SLC3A2: variants seen among roughly 807,000 people sequenced by gnomAD.
SLC3A2 encodes the protein solute carrier family 3 member 2, also known as amino acid transporter heavy chain SLC3A2.
In SLC3A2, 32 loss-of-function variants were observed where a neutral mutation model predicts 48.5. The observed-to-expected ratio is 0.66, with a 90% CI of 0.50 to 0.89. The LOEUF (loss-of-function observed/expected upper bound fraction) is 0.89, where lower values mean the gene tolerates loss of function less well. Among genes scored for constraint, SLC3A2 ranks in the 40% least tolerant of loss-of-function variants. The probability of loss-of-function intolerance (pLI) is 0.00; values close to 1 mark genes in which losing one functional copy is unlikely to be tolerated. For missense variants in SLC3A2, 587 were observed against 680.7 expected (o/e 0.86, Z 1.53); for synonymous variants, 277 against 288.8 (o/e 0.96, Z 0.41).
At chr11:62,860,111 C>G (rs2134970537) in intron 1 of SLC3A2, among the ~76,000 whole-genome samples, 1 of 152,228 alleles carries the variant, frequency 6.6e-6, no homozygotes, top group South Asian at 2.1e-4. Flanking sequence ...GAGCAAAGGA[C>G]TCTGTGTCAT....
At chr11:62,871,240 CTTTTT>C (rs747198908) in intron 1 of SLC3A2, among the ~76,000 whole-genome samples, 2 of 118,540 alleles carry the variant, frequency 1.7e-5, no homozygotes, top group African/African-American at 3.1e-5. Context: ...TAGGGCTTAT[CTTTTT>C]TTTTTTTTTT....
At chr11:62,869,095 C>T (rs2085483409) in intron 1 of SLC3A2, among the ~76,000 whole-genome samples, 1 of 151,242 alleles carries the variant, frequency 6.6e-6, no homozygotes, top group Non-Finnish European at 1.5e-5. Flanking sequence ...GACAGGGTTT[C>T]ACCATGTTGG....
chr11:62,856,264 G>A lies in SLC3A2; in HGVS notation c.-6G>A, dbSNP rs758009456. 9 of 1,605,918 alleles carry A rather than the reference G, an allele frequency of 5.6e-6. No individual in the cohort carries two copies. In the Admixed American group the frequency reaches 1.3e-4, roughly 24 times the overall value. ...CACCCCAAACCTGTGTGCAGGATCC[G>A]CCTCCATGGAGCTACAGCCTCCTGA... is the stretch of plus-strand genomic sequence containing the variant. On this transcript the variant is annotated 5_prime_UTR_variant, in exon 1 of 10. Coordinates refer to the SLC3A2 transcript ENST00000377889.
intron 1 of SLC3A2, among the ~76,000 whole-genome samples, chr11:62,869,675 A>G (rs1195403664): frequency 2.7e-5 from 4 of 150,722 alleles, no homozygotes; most frequent in Non-Finnish European, 4.4e-5. Flanking sequence ...TATGTCTTCT[A>G]TTTGTGGCTT....
At chr11:62,880,867 C>G, upstream of SLC3A2, 1 of 1,413,384 alleles carries the variant, frequency 7.1e-7, no homozygotes, top group Non-Finnish European at 9.2e-7. Flanking sequence ...TCCGCTGCCC[C>G]TTCCCAGAGG....
At chr11:62,885,011 A>C (rs1044324938) in intron 5 of SLC3A2, among the ~76,000 whole-genome samples, 166 bp from the exon 6 acceptor site, 1 of 151,532 alleles carries the variant, frequency 6.6e-6, no homozygotes, top group African/African-American at 2.4e-5. Flanking sequence ...TTGTATTTTT[A>C]GTAGAGACGG....
At chr11:62,885,381 G>A in intron 6 of SLC3A2, 24 bp downstream of exon 6, 1 of 1,614,032 alleles carries the variant, frequency 6.2e-7, no homozygotes, top group Non-Finnish European at 8.5e-7. Flanking sequence ...TGGTGGGAAA[G>A]GGGGCAGATG....
intron 1 of SLC3A2, among the ~76,000 whole-genome samples, chr11:62,873,899 C>G (rs1186331357): frequency 6.8e-6 from 1 of 146,198 alleles, no homozygotes; most frequent in Non-Finnish European, 1.5e-5. Context: ...ACCTCCTGGG[C>G]TCAAGTGGTC....
intron 5 of SLC3A2, 25 bp downstream of exon 5, chr11:62,884,715 A>G: frequency 6.4e-7 from 1 of 1,558,038 alleles, no homozygotes; most frequent in Non-Finnish European, 8.7e-7. Flanking sequence ...CATTCTGCTG[A>G]CTCAGCTCCA....
At chr11:62,887,541 A>G (rs1320851241) in intron 7 of SLC3A2, among the ~76,000 whole-genome samples, 1 of 152,044 alleles carries the variant, frequency 6.6e-6, no homozygotes, top group African/African-American at 2.4e-5. Flanking sequence ...CGTCTTTACT[A>G]AAAATACAAA....
chr11:62,888,185 C>T lies in SLC3A2; in HGVS notation c.1194C>T (p.Ile398=). 1.9e-6 allele frequency: 3 copies of T among 1,614,044 alleles called. No individual in the cohort carries two copies. Among genetic ancestry groups the T allele is most frequent in the Non-Finnish European group, 1.7e-6 (2 of 1,180,004 alleles). Residue 398 remains isoleucine, a synonymous_variant, in exon 8 of 9, where the codon ATC becomes ATT. Transcript: ENST00000338663. ...MLWDESSFPD[I]PGAVSANMTV... is the part of the protein sequence containing the mutation. Reference sequence around the variant, plus strand: ...GGGATGAGTCCAGCTTCCCTGACATCCCAGGGGCTGTAAGTGCCAACATGA... The same window carrying T: ...GGGATGAGTCCAGCTTCCCTGACATTCCAGGGGCTGTAAGTGCCAACATGA...
Position 62,888,633 on chromosome 11 carries a change from G to A in SLC3A2, c.1530G>A (p.Leu510=), listed in dbSNP as rs1447696181. Residue 510 remains leucine (L), a synonymous_variant, in exon 9 of 9, where the codon CTG becomes CTA. Coordinates refer to ENST00000338663, the MANE Select transcript of SLC3A2 (RefSeq NM_001013251.3). Reference sequence around the variant, plus strand: ...GTGAGGAGGGCTCCCCTCTTGAGCTGGAACGCCTGAAACTGGAGCCTCACG... The same window carrying A: ...GTGAGGAGGGCTCCCCTCTTGAGCTAGAACGCCTGAAACTGGAGCCTCACG... ...PGREEGSPLE[L]ERLKLEPHEG... 6.2e-7 allele frequency: 1 copy of A among 1,607,778 alleles called. No individual in the cohort carries two copies. Among genetic ancestry groups the A allele is most frequent in the African/African-American group, 1.3e-5 (1 of 75,064 alleles).
rs1356680005 is a variant in SLC3A2 at position 62,881,223 on chromosome 11, A to T, written c.200A>T (p.Glu67Val). 1 of 1,587,570 alleles carries T rather than the reference A, an allele frequency of 6.3e-7. No individual in the cohort carries two copies. Among genetic ancestry groups the T allele is most frequent in the Non-Finnish European group, 8.6e-7 (1 of 1,168,612 alleles). ...AAGTTCACGGGCCTGTCCAAGGAGGAGCTGCTGAAGGTGGCAGGCAGCCCC... is the reference window on the plus strand; with the variant it reads ...AAGTTCACGGGCCTGTCCAAGGAGGTGCTGCTGAAGGTGGCAGGCAGCCCC... ...AAKFTGLSKE[E>V]LLKVAGSPGW... is the part of the protein sequence containing the mutation. Residue 67 changes from glutamate (E) to valine (V), a missense_variant, in exon 1 of 9, where the codon GAG (glutamate) becomes GTG (valine). Glu to Val is a moderately radical substitution (Grantham distance 121). Transcript: ENST00000338663. This position sits in a 1 kb window ranked among gnomAD's most constrained non-coding sequence, Gnocchi z 4.0.
chr11:62,873,680 G>GCCCTGT (rs2085541328), intron 1 of SLC3A2, among the ~76,000 whole-genome samples: 3 of 152,080 alleles, frequency 2.0e-5, no homozygotes, highest in Admixed American at 2.0e-4. Context: ...TTGCTACGTG[G>GCCCTGT]CCCTGTCTGG....
chr11:62,882,999 G>C lies in SLC3A2; in HGVS notation c.690G>C (p.Lys230Asn), dbSNP rs1216054281. The C allele has an allele frequency of 1.2e-6, 2 of 1,613,988 alleles. No individual in the cohort carries two copies. Among genetic ancestry groups the C allele is most frequent in the South Asian group, 1.1e-5 (1 of 91,088 alleles). Residue 230 changes from lysine to asparagine, a missense_variant and splice_region_variant, in exon 3 of 9, where the codon AAG (lysine) becomes AAC (asparagine). Coordinates refer to ENST00000338663, the MANE Select transcript of SLC3A2 (RefSeq NM_001013251.3). ...TTGACACTGTGGCCACCAAGGTGAA[G>C]GTGAGTGTTGGAGCTGATGGCTGGT... The part of the protein sequence containing the change: ...TQVDTVATKV[K>N]DALEFWLQAG...
At position 62,888,515 on chromosome 11, in the gene SLC3A2, T is replaced by C. The variant is rs753056493; in HGVS notation, c.1412T>C (p.Val471Ala). The C allele has an allele frequency of 4.3e-6, 7 of 1,614,228 alleles. No individual in the cohort carries two copies. In the East Asian group the frequency reaches 1.6e-4, roughly 36 times the overall value. Residue 471 changes from valine (V) to alanine (A), a missense_variant, in exon 9 of 9, where the codon GTG becomes GCG. Val to Ala is a moderately conservative substitution (Grantham distance 64). Coordinates refer to ENST00000338663, the MANE Select transcript of SLC3A2 (RefSeq NM_001013251.3). ...RFLVVLNFGD[V>A]GLSAGLQASD... ...CTGGTAGTGCTTAACTTTGGGGATG[T>C]GGGCCTCTCGGCTGGACTGCAGGCC...
At chr11:62,872,802 A>T (rs560964566) in intron 1 of SLC3A2, among the ~76,000 whole-genome samples, 1 of 151,986 alleles carries the variant, frequency 6.6e-6, no homozygotes, top group South Asian at 2.1e-4. Flanking sequence ...GGGTTTCTCC[A>T]TGTTGGTCAG....
Position 62,861,404 on chromosome 11 carries a change from A to G in SLC3A2, c.112+5023A>G, listed in dbSNP as rs571047224. Among the ~76,000 whole-genome samples the G allele has an allele frequency of 1.1e-4, 17 of 152,060 alleles. No homozygotes were observed. In the South Asian group the frequency reaches 3.3e-3, roughly 30 times the overall value. On this transcript the variant is annotated intron_variant, in intron 1 of 9. Coordinates refer to the SLC3A2 transcript ENST00000377889. ...TCTGGGCTGAGCTGGGACTACAGGC[A>G]TGGGCCACCGTGCCCAGCTAATCTA...
chr11:62,871,884 C>A (rs1047888337), intron 1 of SLC3A2, among the ~76,000 whole-genome samples: 1 of 151,754 alleles, frequency 6.6e-6, no homozygotes, highest in African/African-American at 2.4e-5. Context: ...GCACTAATTT[C>A]TTTATGACAT....
Sources: gnomAD v4.1 joint callset for allele counts (sites outside exome capture counted in the v4.1 genomes callset) on GRCh38, gnomAD v4.1.1 for gene constraint, Gnocchi (gnomAD v3.1) non-coding constraint, MANE v1.5 for transcripts, NCBI Gene and HGNC (gene_info 2026-07-23, HGNC 2026-07-21) for gene names.